The following NCOR1 variants were observed in gnomAD, a reference collection of about 807,000 sequenced individuals.
NCOR1 encodes the protein protein phosphatase 1, regulatory subunit 109.
NCOR1 carries 63 observed loss-of-function variants against 288.1 expected under a neutral mutation model. That is an observed-to-expected ratio of 0.22 (90% CI 0.18 to 0.27). The LOEUF is 0.27. Ranked by LOEUF, NCOR1 falls within the 10% of genes least tolerant of loss-of-function variation. NCOR1 has a pLI of 1.00. For missense variants in NCOR1, 2,397 were observed against 3,019.2 expected, an observed-to-expected ratio of 0.79 and a Z score of 4.83; for synonymous variants, 1,007 against 1,065.9, an observed-to-expected ratio of 0.94 and a Z score of 1.08.
At chr17:16,134,204 G>A (rs927548424) in intron 14 of NCOR1, among the ~76,000 whole-genome samples, 2 of 152,022 alleles carry the variant, frequency 1.3e-5, no homozygotes, top group Non-Finnish European at 2.9e-5. Flanking sequence ...CCTCTATTTT[G>A]ACACAAATAA....
chr17:16,127,031 C>G (rs2074171503), intron 14 of NCOR1, among the ~76,000 whole-genome samples: 3 of 151,866 alleles, frequency 2.0e-5, no homozygotes. Flanking sequence ...ATTGCTATAA[C>G]TCTATTTTAT....
chr17:16,032,599 T>C (rs929866484), intron 45 of NCOR1, 116 bp from the exon 46 acceptor site: 6 of 984,136 alleles, frequency 6.1e-6, no homozygotes, highest in Admixed American at 3.1e-5. Flanking sequence ...TGTGACACCA[T>C]GAAAGCAAAA....
At position 16,071,684 on chromosome 17, in the gene NCOR1, A is replaced by G; in HGVS notation, c.3896-19T>C. 6.2e-7 allele frequency: 1 copy of G among 1,602,872 alleles called. No homozygotes were observed. Among genetic ancestry groups the G allele is most frequent in the Non-Finnish European group, 8.5e-7 (1 of 1,174,246 alleles). On this transcript the variant is annotated intron_variant, in intron 29 of 45. Coordinates refer to ENST00000268712, the MANE Select transcript of NCOR1 (RefSeq NM_006311.4). ...GGTGTCCCTTGAAAAAGAATTCAGGAAACATTAAAATAATGCTGATGGTTG... is the reference window on the plus strand; with the variant it reads ...GGTGTCCCTTGAAAAAGAATTCAGGGAACATTAAAATAATGCTGATGGTTG...
chr17:16,135,333 C>T (rs2076243947), intron 14 of NCOR1, among the ~76,000 whole-genome samples: 1 of 151,956 alleles, frequency 6.6e-6, no homozygotes, highest in South Asian at 2.1e-4. Flanking sequence ...CTTCCTATTT[C>T]ACTGTCAACA....
In NCOR1 at chr17:16,061,549, T is replaced by C; in HGVS notation, c.5733A>G (p.Pro1911=). The C allele has an allele frequency of 6.2e-7, 1 of 1,614,252 alleles. No individual in the cohort carries two copies. Among genetic ancestry groups the C allele is most frequent in the Admixed American group, 1.7e-5 (1 of 60,028 alleles). Residue 1911 remains proline, a synonymous_variant, in exon 37 of 46, where the codon CCA becomes CCG. Coordinates refer to ENST00000268712, the MANE Select transcript of NCOR1 (RefSeq NM_006311.4). ...TTAGCTCTTCCTCATATCTGGATTT[T>C]GGAGGAGGCCCTTTATCTTTCCCAG... is the stretch of plus-strand genomic sequence containing the variant. ...SEAGKDKGPP[P]KSRYEEELRT... is the part of the protein sequence containing the mutation.
At chr17:16,192,710 AT>A (rs138261587) in intron 2 of NCOR1, among the ~76,000 whole-genome samples, 4,327 of 152,300 alleles carry the variant, frequency 0.028, 97 homozygotes, top group African/African-American at 0.058. Flanking sequence ...TCTCCAAAGG[AT>A]GCTGTTAAGA....
At chr17:16,096,009 G>A (rs2066541022) in intron 21 of NCOR1, among the ~76,000 whole-genome samples, 1 of 152,180 alleles carries the variant, frequency 6.6e-6, no homozygotes, top group Non-Finnish European at 1.5e-5. Context: ...TTGGGATCCT[G>A]TTGATCTATG....
Position 16,171,712 on chromosome 17 carries a change from A to G in NCOR1, c.435+91T>C, listed in dbSNP as rs944874161. On this transcript the variant is annotated intron_variant, in intron 4 of 45. Coordinates refer to ENST00000268712, the MANE Select transcript of NCOR1 (RefSeq NM_006311.4). ...ACCACTAACCTTTAGAGACTGGTGT[A>G]ACTGGACTTTCTTTGAGGTGCTATG... 4.2e-6 allele frequency: 5 copies of G among 1,193,206 alleles called. No individual in the cohort carries two copies. In the Admixed American group the frequency reaches 1.4e-4, roughly 34 times the overall value. The allele number at this position is 1,193,206 out of a possible 1,614,324, so 73.9% of individuals were successfully genotyped here. A position where few individuals can be genotyped will look rare whatever the true frequency, so the allele number is the denominator to read the frequency against.
intron 40 of NCOR1, 111 bp from the exon 41 acceptor site, chr17:16,049,099 C>A: frequency 3.9e-5 from 42 of 1,088,284 alleles, no homozygotes; most frequent in Middle Eastern, 4.5e-4. Context: ...CAAAAGCTGC[C>A]AATTTCTATC....
intron 32 of NCOR1, chr17:16,065,947 CA>C (rs946186111): frequency 2.1e-6 from 1 of 484,144 alleles, no homozygotes; most frequent in Non-Finnish European, 3.8e-6. Context: ...GTTTTACTTT[CA>C]ATCTTTGACA....
chr17:16,036,494 C>T (rs920547620), intron 44 of NCOR1, among the ~76,000 whole-genome samples: 5 of 152,206 alleles, frequency 3.3e-5, no homozygotes, highest in African/African-American at 1.2e-4. Context: ...AAGTTTTGGA[C>T]TCTTCCAGTA....
Position 16,152,317 on chromosome 17 carries a change from T to G in NCOR1, c.790-319A>C, listed in dbSNP as rs537675254. On this transcript the variant is annotated intron_variant, in intron 7 of 45. Transcript: ENST00000268712. ...TATCCCTCCCCCATGCCCCACCCCCTGACAGGCCCCGGTGTGTGATGTTCC... is the reference window on the plus strand; with the variant it reads ...TATCCCTCCCCCATGCCCCACCCCCGGACAGGCCCCGGTGTGTGATGTTCC... Among the ~76,000 whole-genome samples, 552 of 146,400 alleles carry G rather than the reference T, an allele frequency of 3.8e-3. 1 individual carries two copies. Among genetic ancestry groups the G allele is most frequent in the Non-Finnish European group, 6.1e-3 (408 of 66,772 alleles).
intron 19 of NCOR1, among the ~76,000 whole-genome samples, chr17:16,104,562 G>A (rs2068232015): frequency 6.6e-6 from 1 of 152,050 alleles, no homozygotes; most frequent in Admixed American, 6.5e-5. Flanking sequence ...CCTGAGGCCA[G>A]GAGTTCAAGA....
At chr17:16,213,411 T>A (rs1254040288) in intron 1 of NCOR1, among the ~76,000 whole-genome samples, 2 of 140,748 alleles carry the variant, frequency 1.4e-5, no homozygotes, top group Non-Finnish European at 3.0e-5. Context: ...AAGAATTGCT[T>A]GAACCCGGAG....
At chr17:16,097,466 C>T (rs893686002) in intron 21 of NCOR1, among the ~76,000 whole-genome samples, 2 of 152,312 alleles carry the variant, frequency 1.3e-5, no homozygotes, top group East Asian at 1.9e-4. Context: ...GGTTCATGCA[C>T]CCATCACCAA....
At chr17:16,036,340 T>C (rs373475932) in intron 44 of NCOR1, among the ~76,000 whole-genome samples, 13 of 152,350 alleles carry the variant, frequency 8.5e-5, no homozygotes, top group African/African-American at 3.1e-4. Flanking sequence ...ATCTAGGCTT[T>C]GTTCCATTTC....
chr17:16,041,881 C>T (rs890252534), intron 42 of NCOR1, among the ~76,000 whole-genome samples: 7 of 151,874 alleles, frequency 4.6e-5, no homozygotes, highest in Middle Eastern at 3.4e-3. Flanking sequence ...GGACTACAGG[C>T]GCCCGCCACT....
At chr17:16,125,638 C>T (rs2073884604) in intron 15 of NCOR1, among the ~76,000 whole-genome samples, 1 of 137,808 alleles carries the variant, frequency 7.3e-6, no homozygotes, top group African/African-American at 2.7e-5. Flanking sequence ...GGAAGTGGAG[C>T]TTGCAGTGAG....
intron 21 of NCOR1, among the ~76,000 whole-genome samples, chr17:16,095,731 G>A (rs143493691): frequency 0.37 from 46,311 of 124,622 alleles, 9,489 homozygotes; most frequent in Middle Eastern, 0.49. Flanking sequence ...CCGGCCAGCC[G>A]CCCCGTCTGG....
Sources: gnomAD v4.1 joint callset for allele counts (sites outside exome capture counted in the v4.1 genomes callset) on GRCh38, gnomAD v4.1.1 for gene constraint, MANE v1.5 for transcripts, NCBI Gene and HGNC (gene_info 2026-07-23, HGNC 2026-07-21) for gene names.